CTNS: variants seen among roughly 807,000 people sequenced by gnomAD.
The protein encoded by CTNS is cystinosin.
In CTNS, 27 loss-of-function variants were observed where a neutral mutation model predicts 43.7. That is an observed-to-expected ratio of 0.62 (90% CI 0.46 to 0.85). The LOEUF (loss-of-function observed/expected upper bound fraction) is 0.85, where lower values mean the gene tolerates loss of function less well. Ranked by LOEUF, CTNS falls within the 40% of genes least tolerant of loss-of-function variation. The pLI is 0.00. For synonymous variants in CTNS, 187 were observed against 190.6 expected, an observed-to-expected ratio of 0.98 and a Z score of 0.16; for missense variants, 457 against 475.4, an observed-to-expected ratio of 0.96 and a Z score of 0.36.
At chr17:3,642,527 A>G (rs2075746054) in intron 3 of CTNS, among the ~76,000 whole-genome samples, 3 of 152,070 alleles carry the variant, frequency 2.0e-5, no homozygotes, top group African/African-American at 7.2e-5. Context: ...GTCTCTACTA[A>G]AAATACAAAA....
At position 3,661,789 on chromosome 17, in the gene CTNS, C is replaced by T. The variant is rs989797021; in HGVS notation, c.*1420C>T. ...CACGCCACTCAATCTGGATGTGAGC[C>T]GGGGTGGATGAGGTTCTGAAGGGCA... On this transcript the variant is annotated 3_prime_UTR_variant, in exon 12 of 12. Transcript: ENST00000046640. Among the ~76,000 whole-genome samples the T allele has an allele frequency of 1.3e-5, 2 of 152,168 alleles. No individual in the cohort carries two copies. Among genetic ancestry groups the T allele is most frequent in the Admixed American group, 6.5e-5 (1 of 15,278 alleles).
intron 5 of CTNS, among the ~76,000 whole-genome samples, chr17:3,654,028 C>T (rs1033511416): frequency 6.6e-6 from 1 of 152,170 alleles, no homozygotes; most frequent in African/African-American, 2.4e-5. Flanking sequence ...ATGTATGTGC[C>T]TCCTCTGCTT....
intron 3 of CTNS, among the ~76,000 whole-genome samples, chr17:3,644,457 A>G (rs1287603936): frequency 6.6e-6 from 1 of 151,932 alleles, no homozygotes; most frequent in East Asian, 1.9e-4. Context: ...CTCCTATTTT[A>G]TTTTTTTATT....
intron 3 of CTNS, among the ~76,000 whole-genome samples, chr17:3,642,140 G>GGC (rs2075733701): frequency 2.1e-5 from 1 of 48,692 alleles, no homozygotes; most frequent in African/African-American, 9.7e-5. Context: ...TGTGTGCCCG[G>GGC]GCGTGTGTGT....
At chr17:3,656,130 G>A (rs1221925858) in intron 7 of CTNS, among the ~76,000 whole-genome samples, 3 of 23,152 alleles carry the variant, frequency 1.3e-4, no homozygotes, top group Non-Finnish European at 3.8e-4. Context: ...CCCCTCGCCA[G>A]TCCTCGCCCC....
At chr17:3,657,932 C>CCGGGGCCGTCCTTGCT in intron 9 of CTNS, 73 bp from the exon 10 acceptor site, 1 of 1,574,274 alleles carries the variant, frequency 6.4e-7, no homozygotes, top group South Asian at 1.1e-5. Flanking sequence ...CCCGCCCTAT[C>CCGGGGCCGTCCTTGCT]CGGGGCCGTC....
rs756182448 is a variant in CTNS at position 3,658,063 on chromosome 17, TC to T, written c.741del (p.Phe247LeufsTer6). 16 of 1,612,190 alleles carry T rather than the reference TC, an allele frequency of 9.9e-6. No individual in the cohort carries two copies. The highest frequency in any genetic ancestry group is 1.4e-5 in the Non-Finnish European group (16 of 1,179,966). On this transcript the variant is annotated frameshift_variant, in exon 10 of 12. Transcript: ENST00000046640. LOFTEE classifies it high-confidence loss of function. ...GGCTTCCTGGTGCTCGCGTGGCTCT[TC>T]GCATTTGTCACCATGATCGTGGCTG... is the stretch of plus-strand genomic sequence containing the variant. The part of the protein sequence containing the change: ...AIGFLVLAWL[F>X]AFVTMIVAAV...
At chr17:3,643,936 G>A (rs1483143530) in intron 3 of CTNS, among the ~76,000 whole-genome samples, 2 of 152,114 alleles carry the variant, frequency 1.3e-5, no homozygotes, top group Admixed American at 6.6e-5. Context: ...GGTGAGAGGC[G>A]GCAGTGGTGG....
intron 5 of CTNS, among the ~76,000 whole-genome samples, chr17:3,649,243 G>T (rs1459378841): frequency 6.6e-6 from 1 of 152,142 alleles, no homozygotes; most frequent in African/African-American, 2.4e-5. Flanking sequence ...GAGGTAGGAA[G>T]TTCGAGACCA....
At chr17:3,650,190 G>A in intron 5 of CTNS, 1 of 1,550,450 alleles carries the variant, frequency 6.4e-7, no homozygotes, top group Non-Finnish European at 8.7e-7. Context: ...GAAGCAGGAG[G>A]AGAAGAATGC....
intron 10 of CTNS, among the ~76,000 whole-genome samples, chr17:3,658,523 G>A (rs112469242): frequency 0.011 from 1,680 of 152,314 alleles, 27 homozygotes; most frequent in African/African-American, 0.038. Context: ...CTGGAGAGGT[G>A]AGGTGGGAGG....
chr17:3,653,836 A>C (rs2076052765), intron 5 of CTNS, among the ~76,000 whole-genome samples: 1 of 151,502 alleles, frequency 6.6e-6, no homozygotes, highest in Non-Finnish European at 1.5e-5. Flanking sequence ...AGATCGCGCC[A>C]TTGCACTCCA....
At chr17:3,637,465 A>AT (rs140194982) in intron 2 of CTNS, 149 bp downstream of exon 2, 4,573 of 144,374 alleles carry the variant, frequency 0.032, 100 homozygotes, top group African/African-American at 0.064. Flanking sequence ...CCCCAAGCCA[A>AT]TTTTTTTTTT....
chr17:3,661,800 A>C lies in CTNS; in HGVS notation c.*1431A>C, dbSNP rs981152911. On this transcript the variant is annotated 3_prime_UTR_variant, in exon 12 of 12. Transcript: ENST00000046640. ...ATCTGGATGTGAGCCGGGGTGGATG[A>C]GGTTCTGAAGGGCACACCAGCACTG... is the stretch of plus-strand genomic sequence containing the variant. Among the ~76,000 whole-genome samples the C allele has an allele frequency of 2.6e-5, 4 of 152,076 alleles. No individual in the cohort carries two copies. Among genetic ancestry groups the C allele is most frequent in the African/African-American group, 9.7e-5 (4 of 41,400 alleles).
rs750569125 is a variant in CTNS, at chr17:3,660,584, G to A, written c.*215G>A. ...CCTCCCCGGCCAGGCACGTGGCACCGTCGCCTTGACACCGCCATCTCTTTT... is the reference window on the plus strand; with the variant it reads ...CCTCCCCGGCCAGGCACGTGGCACCATCGCCTTGACACCGCCATCTCTTTT... On this transcript the variant is annotated 3_prime_UTR_variant, in exon 12 of 12. Transcript: ENST00000046640. 17 of 1,613,102 alleles carry A rather than the reference G, an allele frequency of 1.1e-5. No homozygotes were observed. Among genetic ancestry groups the A allele is most frequent in the Middle Eastern group, 1.6e-4 (1 of 6,074 alleles).
intron 3 of CTNS, among the ~76,000 whole-genome samples, chr17:3,645,292 C>T (rs916891706): frequency 6.6e-6 from 1 of 152,322 alleles, no homozygotes; most frequent in African/African-American, 2.4e-5. Flanking sequence ...CAGGGGACAT[C>T]CTGTTCTGAG....
At chr17:3,638,687 T>G (rs1484833738) in intron 2 of CTNS, among the ~76,000 whole-genome samples, 1 of 152,182 alleles carries the variant, frequency 6.6e-6, no homozygotes, top group East Asian at 1.9e-4. Flanking sequence ...TAGGCCTGAT[T>G]CTGCATCTAA....
rs886338252 is a variant in CTNS at position 3,660,434 on chromosome 17, G to A, written c.*65G>A. The A allele has an allele frequency of 3.2e-5, 52 of 1,613,516 alleles. No homozygotes were observed. The highest frequency in any genetic ancestry group is 1.4e-5 in the Non-Finnish European group (16 of 1,180,034). On this transcript the variant is annotated 3_prime_UTR_variant, in exon 12 of 12. Transcript: ENST00000046640. ...CCTGCTGGGGAAGGCCTCACCCAGC[G>A]AAGGCCGGAGAAGCGGTTGGGCCCT...
At position 3,648,771 on chromosome 17, in the gene CTNS, G is replaced by A. The variant is rs934010733; in HGVS notation, c.141-76G>A. The A allele has an allele frequency of 2.5e-6, 3 of 1,208,906 alleles. No individual in the cohort carries two copies. In the African/African-American group the frequency reaches 4.5e-5, roughly 18 times the overall value. 74.9% of individuals were successfully genotyped at this position (1,208,906 alleles called of 1,614,324 possible). On this transcript the variant is annotated intron_variant, in intron 4 of 11. Transcript: ENST00000046640. Reference sequence around the variant, plus strand: ...CTAACTGCTTGAGAGTTGAAGGCCAGATGTGAAATCCAGAGGGTTGGTTGA... The same window carrying A: ...CTAACTGCTTGAGAGTTGAAGGCCAAATGTGAAATCCAGAGGGTTGGTTGA...
Sources: gnomAD v4.1 joint callset for allele counts (sites outside exome capture counted in the v4.1 genomes callset) on GRCh38, gnomAD v4.1.1 for gene constraint, MANE v1.5 for transcripts, NCBI Gene and HGNC (gene_info 2026-07-23, HGNC 2026-07-21) for gene names.